The following RIOX2 variants were observed in gnomAD, a reference collection of about 807,000 sequenced individuals.
The protein encoded by RIOX2 is 60S ribosomal protein L27a histidine hydroxylase.
In RIOX2, 43 loss-of-function variants were observed where a neutral mutation model predicts 51.2. The ratio of observed to expected loss-of-function variants is 0.84; its 90% CI spans 0.66 to 1.08. The LOEUF is 1.08. Ranked by LOEUF, RIOX2 falls within the 50% of genes least tolerant of loss-of-function variation. RIOX2 has a pLI of 0.00. For missense variants in RIOX2, 566 were observed against 561.7 expected (o/e 1.01, Z -0.08); for synonymous variants, 226 against 218.5 (o/e 1.03, Z -0.30).
rs139844367 is a variant in RIOX2 at position 97,967,501 on chromosome 3, T to A, written c.93A>T (p.Ser31=). Residue 31 remains serine (S), a synonymous_variant, in exon 2 of 10, where the codon TCA becomes TCT. Transcript: ENST00000394198. ...TACTGGGACTGTCAAAGTTTAAAGC[T>A]GAAGGCCCCCCAGCTGCTTCTAACT... The part of the protein sequence containing the change: ...QMKLEAAGGP[S]ALNFDSPSSL... 8.1e-6 allele frequency: 13 copies of A among 1,614,166 alleles called. No individual in the cohort carries two copies. In the African/African-American group the frequency reaches 1.6e-4, roughly 20 times the overall value.
At position 97,947,368 on chromosome 3, in the gene RIOX2, T is replaced by C; in HGVS notation, c.1142A>G (p.Asp381Gly). 1 of 1,612,244 alleles carries C rather than the reference T, an allele frequency of 6.2e-7. No individual in the cohort carries two copies. Residue 381 changes from aspartate to glycine, a missense_variant, in exon 8 of 10, where the codon GAT becomes GGT. Coordinates refer to ENST00000394198, the MANE Select transcript of RIOX2 (RefSeq NM_153182.4). ...HIVLTVLPDQ[D>G]QSDEAQEKMV... is the part of the protein sequence containing the mutation. ...CTCCTCTTGGATACTCACAGATTGA[T>C]CTTGATCCGGCAGTACTGTGAGGAC...
At chr3:97,971,493 TAATC>T (rs1488680914) in intron 1 of RIOX2, 1 of 152,338 alleles carries the variant, frequency 6.6e-6, no homozygotes, top group East Asian at 1.9e-4. Context: ...AGAGATATGT[TAATC>T]AATCCAGAGG....
chr3:97,951,567 C>T (rs377521588), intron 5 of RIOX2, among the ~76,000 whole-genome samples: 14 of 152,026 alleles, frequency 9.2e-5, no homozygotes, highest in East Asian at 5.8e-4. Context: ...AAGTGCGTGC[C>T]GGTGTAAGAA....
rs191408084 is a variant in RIOX2 at position 97,942,004 on chromosome 3, A to G, written c.*3180T>C. The stretch of plus-strand genomic sequence containing the variant: ...AACAGGGATTTAACATTTAATTCCA[A>G]TTCACCAAATCTTTATTGAACATCT... On this transcript the variant is annotated 3_prime_UTR_variant, in exon 10 of 10. Coordinates refer to ENST00000394198, the MANE Select transcript of RIOX2 (RefSeq NM_153182.4). The G allele has an allele frequency of 1.9e-4, 46 of 242,768 alleles. No homozygotes were observed. The highest frequency in any genetic ancestry group is 5.0e-4 in the Admixed American group (9 of 18,056). The allele number at this position is 242,768 out of a possible 1,614,324, so 15.0% of individuals were successfully genotyped here.
intron 4 of RIOX2, 124 bp downstream of exon 4, chr3:97,958,927 C>A: frequency 9.0e-7 from 1 of 1,108,136 alleles, no homozygotes; most frequent in Admixed American, 2.8e-5. Flanking sequence ...TGCCCTGAAA[C>A]CCAGGGATAT....
intron 2 of RIOX2, among the ~76,000 whole-genome samples, chr3:97,965,964 A>C (rs931014875): frequency 2.0e-5 from 3 of 152,204 alleles, no homozygotes; most frequent in Admixed American, 2.0e-4. Flanking sequence ...ATGATTTGTA[A>C]ATTCTTTTTG....
intron 4 of RIOX2, among the ~76,000 whole-genome samples, chr3:97,956,703 C>T (rs1216800180): frequency 1.3e-5 from 2 of 152,148 alleles, no homozygotes; most frequent in Admixed American, 1.3e-4. Context: ...ACATGTTGGT[C>T]AGGCTGGTCT....
At chr3:97,970,756 C>T (rs142775030) in intron 1 of RIOX2, among the ~76,000 whole-genome samples, 1 of 152,288 alleles carries the variant, frequency 6.6e-6, no homozygotes, top group East Asian at 1.9e-4. Context: ...AAAAGATTTA[C>T]AGTTCATACT....
In RIOX2 at chr3:97,944,056, T is replaced by G. The variant is rs2040294544; in HGVS notation, c.*1128A>C. 1 of 151,692 alleles carries G rather than the reference T, an allele frequency of 6.6e-6. No homozygotes were observed. The highest frequency in any genetic ancestry group is 1.5e-5 in the Non-Finnish European group (1 of 67,818). The allele number at this position is 151,692 out of a possible 1,614,324, so 9.4% of individuals were successfully genotyped here. A position where few individuals can be genotyped will look rare whatever the true frequency, so the allele number is the denominator to read the frequency against. ...TTTAGGTGACAAGACTCTATAACAGTGGTTACCTGTCTCCATGTTGACACT... is the reference window on the plus strand; with the variant it reads ...TTTAGGTGACAAGACTCTATAACAGGGGTTACCTGTCTCCATGTTGACACT... On this transcript the variant is annotated 3_prime_UTR_variant, in exon 10 of 10. Transcript: ENST00000394198.
At position 97,949,993 on chromosome 3, in the gene RIOX2, G is replaced by A. The variant is rs1385927779; in HGVS notation, c.911C>T (p.Ala304Val). Residue 304 changes from alanine (A) to valine (V), a missense_variant, in exon 7 of 10, where the codon GCT (alanine) becomes GTT (valine). Coordinates refer to ENST00000394198, the MANE Select transcript of RIOX2 (RefSeq NM_153182.4). The stretch of plus-strand genomic sequence containing the variant: ...CAGGAAGCCACTTAATCGTCTTGTA[G>A]CAACAGTTGTGGATTCCACCTGCTA... ...LLLQVESTTV[A>V]TRRLSGFLRT... is the part of the protein sequence containing the mutation. The A allele has an allele frequency of 6.2e-7, 1 of 1,613,784 alleles. No individual in the cohort carries two copies. The highest frequency in any genetic ancestry group is 1.3e-5 in the African/African-American group (1 of 75,020).
At chr3:97,951,585 C>G (rs541418705) in intron 5 of RIOX2, among the ~76,000 whole-genome samples, 3 of 152,196 alleles carry the variant, frequency 2.0e-5, no homozygotes, top group African/African-American at 2.4e-5. Context: ...GAAATGCACT[C>G]TGTGGGGATG....
intron 2 of RIOX2, among the ~76,000 whole-genome samples, chr3:97,965,796 C>G (rs184231407): frequency 6.6e-6 from 1 of 152,204 alleles, no homozygotes; most frequent in African/African-American, 2.4e-5. Context: ...CCAAAGTACA[C>G]GTAATCAAAT....
Position 97,948,379 on chromosome 3 carries a change from AG to A in RIOX2, c.1061-931del, listed in dbSNP as rs2040409551. Among the ~76,000 whole-genome samples the A allele has an allele frequency of 2.0e-5, 3 of 152,288 alleles. No individual in the cohort carries two copies. The South Asian group carries it at 6.2e-4, about 32-fold the overall frequency. Reference sequence around the variant, plus strand: ...CCCTGAGAAAGAACAGCAGCCAAAAAGCTGGCCTGGCACTCACAGCTAGGTC... The same window carrying A: ...CCCTGAGAAAGAACAGCAGCCAAAAACTGGCCTGGCACTCACAGCTAGGTC... On this transcript the variant is annotated intron_variant, in intron 7 of 9. Transcript: ENST00000394198.
Position 97,967,474 on chromosome 3 carries a change from A to C in RIOX2, c.120T>G (p.Ser40Arg). Residue 40 changes from serine to arginine, a missense_variant, in exon 2 of 10, where the codon AGT becomes AGG. Transcript: ENST00000394198. ...PSALNFDSPS[S>R]LFESLISPIK... ...TGGGCGAGATTAAACTTTCAAAGAG[A>C]CTACTGGGACTGTCAAAGTTTAAAG... The C allele has an allele frequency of 5.0e-6, 8 of 1,614,126 alleles. No individual in the cohort carries two copies. Among genetic ancestry groups the C allele is most frequent in the Non-Finnish European group, 6.8e-6 (8 of 1,180,020 alleles).
rs1159716111 is a variant in RIOX2, at chr3:97,959,108, C to T, written c.624G>A (p.Glu208=). Residue 208 remains glutamate (E), a synonymous_variant, in exon 4 of 10, where the codon GAG becomes GAA. Transcript: ENST00000394198. Reference sequence around the variant, plus strand: ...TCCTTTCCTCGGCCTCCACGCTGTACTCTCGTGCCAGGGGCACAGTGGGGT... The same window carrying T: ...TCCTTTCCTCGGCCTCCACGCTGTATTCTCGTGCCAGGGGCACAGTGGGGT... The part of the protein sequence containing the change: ...LYHPTVPLAR[E]YSVEAEERIG... The T allele has an allele frequency of 6.2e-7, 1 of 1,614,036 alleles. No individual in the cohort carries two copies. The highest frequency in any genetic ancestry group is 2.2e-5 in the East Asian group (1 of 44,848).
rs113653163 is a variant in RIOX2, at chr3:97,958,997, A to G, written c.681+54T>C. 1.9e-3 allele frequency: 2,914 copies of G among 1,529,766 alleles called. 49 individuals carry two copies. The African/African-American group carries it at 0.036, about 19-fold the overall frequency. The allele number at this position is 1,529,766 out of a possible 1,614,324, so 94.8% of individuals were successfully genotyped here. ...TTGAGCCTGAACTTGTCTTAGCAATAGGGGAAACCACAATGGCTCTAACAA... is the reference window on the plus strand; with the variant it reads ...TTGAGCCTGAACTTGTCTTAGCAATGGGGGAAACCACAATGGCTCTAACAA... On this transcript the variant is annotated intron_variant, in intron 4 of 9. Transcript: ENST00000394198.
intron 7 of RIOX2, among the ~76,000 whole-genome samples, chr3:97,948,020 T>C (rs2040404095): frequency 6.6e-6 from 1 of 152,190 alleles, no homozygotes. Context: ...AGACTAGCCT[T>C]ACAGGGTCAT....
chr3:97,959,435 C>T lies in RIOX2; in HGVS notation c.553-256G>A, dbSNP rs539287090. ...TCCTGGGCTCCAATGATCCTCTTGC[C>T]CTAGCTTCCTGTGTAGTTGGGAAGC... On this transcript the variant is annotated intron_variant, in intron 3 of 9. Transcript: ENST00000394198. Among the ~76,000 whole-genome samples, 4 of 151,818 alleles carry T rather than the reference C, an allele frequency of 2.6e-5. No homozygotes were observed. The South Asian group carries it at 6.3e-4, about 24-fold the overall frequency.
At position 97,945,108 on chromosome 3, in the gene RIOX2, C is replaced by T. The variant is rs912339063; in HGVS notation, c.*76G>A. The T allele has an allele frequency of 2.5e-5, 33 of 1,324,352 alleles. No individual in the cohort carries two copies. The African/African-American group carries it at 4.7e-4, about 19-fold the overall frequency. 82.0% of individuals were successfully genotyped at this position (1,324,352 alleles called of 1,614,324 possible). On this transcript the variant is annotated 3_prime_UTR_variant, in exon 10 of 10. Transcript: ENST00000394198. ...GCAGGTAAGGAAACTTGAATTCATC[C>T]TCTCCTCGGCTCAGGTCTTTGCTTT... is the stretch of plus-strand genomic sequence containing the variant.
Sources: allele counts gnomAD v4.1 joint callset (sites outside exome capture counted in the v4.1 genomes callset), GRCh38; gene constraint gnomAD v4.1.1; transcripts MANE v1.5; gene names NCBI Gene and HGNC (gene_info 2026-07-23, HGNC 2026-07-21).